GLDC: variants seen among roughly 807,000 people sequenced by gnomAD.
GLDC encodes glycine dehydrogenase (decarboxylating), mitochondrial.
In GLDC, 104 loss-of-function variants were observed where a neutral mutation model predicts 121.3. The observed-to-expected ratio is 0.86, with a 90% confidence interval of 0.73 to 1.01. The LOEUF (loss-of-function observed/expected upper bound fraction) is 1.01, where lower values mean the gene tolerates loss of function less well. Ranked by LOEUF, GLDC falls within the 50% of genes least tolerant of loss-of-function variation. The probability of loss-of-function intolerance (pLI) is 0.00; values close to 1 mark genes in which losing one functional copy is unlikely to be tolerated. For synonymous variants in GLDC, 546 were observed against 480.6 expected (o/e 1.14, Z -1.78); for missense variants, 1,429 against 1,306.6 (o/e 1.09, Z -1.44).
chr9:6,630,808 A>C (rs1157193555), intron 2 of GLDC, among the ~76,000 whole-genome samples: 1 of 152,144 alleles, frequency 6.6e-6, no homozygotes, highest in Non-Finnish European at 1.5e-5. Flanking sequence ...TTCCATCTGC[A>C]TGCTGATCCT....
chr9:6,639,677 A>AG lies in GLDC; in HGVS notation c.334+4936_334+4937insC. 3 of 253,276 alleles carry AG rather than the reference A, an allele frequency of 1.2e-5. No homozygotes were observed. The East Asian group carries it at 3.5e-4, about 30-fold the overall frequency. 15.7% of individuals were successfully genotyped at this position (253,276 alleles called of 1,614,324 possible). ...TTCACCATAAAAAAAAAGTATATAT[A>AG]TATATATATATGGACAAAACAGATT... On this transcript the variant is annotated intron_variant, in intron 2 of 24. Coordinates refer to ENST00000321612, the MANE Select transcript of GLDC (RefSeq NM_000170.3).
At chr9:6,637,684 G>T (rs1461640939) in intron 2 of GLDC, among the ~76,000 whole-genome samples, 1 of 151,898 alleles carries the variant, frequency 6.6e-6, no homozygotes, top group African/African-American at 2.4e-5. Flanking sequence ...CCAGGCTGAT[G>T]CTGAACTCCT....
chr9:6,554,171 TC>T (rs1817570024), intron 19 of GLDC, among the ~76,000 whole-genome samples: 1 of 152,186 alleles, frequency 6.6e-6, no homozygotes, highest in Admixed American at 6.5e-5. Flanking sequence ...TAAGAAATAT[TC>T]CTTCAGTCCT....
chr9:6,555,056 T>C, intron 18 of GLDC: 1 of 501,138 alleles, frequency 2.0e-6, no homozygotes, highest in Non-Finnish European at 3.6e-6. Flanking sequence ...ACACAGTCTC[T>C]TCCTAATTAT....
At chr9:6,597,628 T>C (rs1818516044) in intron 8 of GLDC, among the ~76,000 whole-genome samples, 1 of 152,144 alleles carries the variant, frequency 6.6e-6, no homozygotes, top group Non-Finnish European at 1.5e-5. Flanking sequence ...CTCATTGTGG[T>C]AGAAGCTAAG....
chr9:6,595,659 T>A (rs1027243260), intron 8 of GLDC, among the ~76,000 whole-genome samples: 5 of 152,172 alleles, frequency 3.3e-5, no homozygotes, highest in Non-Finnish European at 7.3e-5. Context: ...GGCAAAGGAC[T>A]GGCAAAAACG....
chr9:6,573,929 C>T (rs1818013251), intron 15 of GLDC, among the ~76,000 whole-genome samples: 2 of 152,134 alleles, frequency 1.3e-5, no homozygotes, highest in African/African-American at 4.8e-5. Flanking sequence ...TGATTTTAAC[C>T]AGTGAAACTC....
chr9:6,622,609 C>T (rs1358865933), intron 2 of GLDC, among the ~76,000 whole-genome samples: 1 of 152,138 alleles, frequency 6.6e-6, no homozygotes, highest in Admixed American at 6.5e-5. Context: ...CACCTCCCAG[C>T]CGCCTGCCTT....
At chr9:6,552,754 CA>C (rs1410685349) in intron 20 of GLDC, among the ~76,000 whole-genome samples, 1 of 152,016 alleles carries the variant, frequency 6.6e-6, no homozygotes, top group Non-Finnish European at 1.5e-5. Flanking sequence ...GCAGTGTGAA[CA>C]AGAACTGTAG....
At chr9:6,590,475 A>T (rs1305418415) in intron 11 of GLDC, among the ~76,000 whole-genome samples, 3 of 152,128 alleles carry the variant, frequency 2.0e-5, no homozygotes, top group Admixed American at 6.5e-5. Context: ...AGTTCCCATG[A>T]GAACTGATGA....
chr9:6,574,785 T>C (rs1430799656), intron 15 of GLDC, among the ~76,000 whole-genome samples: 2 of 152,078 alleles, frequency 1.3e-5, no homozygotes, highest in East Asian at 3.9e-4. Context: ...CCCAGAGTAC[T>C]CTGTTTCTGA....
Position 6,610,184 on chromosome 9 carries a change from C to T in GLDC, c.635+8G>A, listed in dbSNP as rs760774268. ...ACTGGAATTCCAGCACTTTGAGAGGCCTCTCACCTGTAGCACAGCTGCAGT... is the reference window on the plus strand; with the variant it reads ...ACTGGAATTCCAGCACTTTGAGAGGTCTCTCACCTGTAGCACAGCTGCAGT... On this transcript the variant is annotated splice_region_variant and intron_variant, in intron 4 of 24. Coordinates refer to ENST00000321612, the MANE Select transcript of GLDC (RefSeq NM_000170.3). 1 of 1,604,604 alleles carries T rather than the reference C, an allele frequency of 6.2e-7. No homozygotes were observed. The highest frequency in any genetic ancestry group is 2.2e-5 in the East Asian group (1 of 44,658).
In GLDC at chr9:6,588,719, C is replaced by T; in HGVS notation, c.1581-17G>A. 6.3e-7 allele frequency: 1 copy of T among 1,579,684 alleles called. No individual in the cohort carries two copies. The highest frequency in any genetic ancestry group is 8.7e-7 in the Non-Finnish European group (1 of 1,148,662). On this transcript the variant is annotated splice_polypyrimidine_tract_variant and intron_variant, in intron 12 of 24. Coordinates refer to ENST00000321612, the MANE Select transcript of GLDC (RefSeq NM_000170.3). ...GAGTGGTAGCTGTGAACACAAAACA[C>T]AGAATTAGGGGCCCCAAAAGTAGAT... is the stretch of plus-strand genomic sequence containing the variant.
intron 11 of GLDC, among the ~76,000 whole-genome samples, chr9:6,590,899 A>G (rs1818361856): frequency 6.6e-6 from 1 of 152,242 alleles, no homozygotes; most frequent in Admixed American, 6.5e-5. Flanking sequence ...GTTATCTGGT[A>G]TAACCCTTTG....
intron 15 of GLDC, among the ~76,000 whole-genome samples, chr9:6,574,395 A>T (rs866239656): frequency 2.0e-5 from 3 of 151,430 alleles, no homozygotes; most frequent in South Asian, 4.2e-4. Context: ...TGAACCTGGG[A>T]GGTGGAGGTT....
intron 2 of GLDC, among the ~76,000 whole-genome samples, chr9:6,628,945 T>G (rs1446930925): frequency 6.6e-6 from 1 of 152,090 alleles, no homozygotes; most frequent in Non-Finnish European, 1.5e-5. Flanking sequence ...GAGCATTGCA[T>G]AATCTCCTGG....
chr9:6,585,868 G>GTATC lies in GLDC; in HGVS notation c.1850+1269_1850+1272dup, dbSNP rs1214635048. Among the ~76,000 whole-genome samples the GTATC allele has an allele frequency of 8.0e-3, 928 of 116,448 alleles. 4 individuals are homozygous for GTATC. Among genetic ancestry groups the GTATC allele is most frequent in the African/African-American group, 0.022 (795 of 35,682 alleles). The allele number at this position is 116,448 out of a possible 152,430, so 76.4% of individuals were successfully genotyped here. On this transcript the variant is annotated intron_variant, in intron 15 of 24. Coordinates refer to ENST00000321612, the MANE Select transcript of GLDC (RefSeq NM_000170.3). ...TGTATGTATGTATGTATGTATGTAT[G>GTATC]TATCTATCTATCTATCTATCTATCA...
At chr9:6,534,571 A>T (rs12339602) in intron 24 of GLDC, 137 bp downstream of exon 24, 2 of 667,448 alleles carry the variant, frequency 3.0e-6, no homozygotes, top group Non-Finnish European at 5.5e-6. Flanking sequence ...TTTGCTCCTC[A>T]TTCCTCTTCA....
At chr9:6,570,890 T>G (rs1387354887) in intron 15 of GLDC, among the ~76,000 whole-genome samples, 1 of 151,852 alleles carries the variant, frequency 6.6e-6, no homozygotes, top group Non-Finnish European at 1.5e-5. Context: ...CGGGGTATGT[T>G]TTTAAAAAAA....
Sources: allele counts gnomAD v4.1 joint callset (sites outside exome capture counted in the v4.1 genomes callset), GRCh38; gene constraint gnomAD v4.1.1; transcripts MANE v1.5; gene names NCBI Gene and HGNC (gene_info 2026-07-23, HGNC 2026-07-21).